GATA6: variants seen among roughly 807,000 people sequenced by gnomAD.
GATA6 encodes transcription factor GATA-6.
GATA6 carries 11 observed loss-of-function variants against 48.1 expected under a neutral mutation model. That is an observed-to-expected ratio of 0.23 (90% CI 0.14 to 0.38). The LOEUF is 0.38. GATA6 is among the 10% of genes least tolerant of loss of function. GATA6 has a pLI of 1.00. For missense variants in GATA6, 795 were observed against 850.3 expected (o/e 0.93, Z 0.81); for synonymous variants, 419 against 396.1 (o/e 1.06, Z -0.69).
At position 22,171,117 on chromosome 18, in the gene GATA6, G is replaced by C. The variant is rs2033032021; in HGVS notation, c.-28G>C. On this transcript the variant is annotated 5_prime_UTR_variant, in exon 2 of 7. Coordinates refer to ENST00000269216, the MANE Select transcript of GATA6 (RefSeq NM_005257.6). The surrounding 1 kb of genome is among the most constrained non-coding windows in gnomAD (Gnocchi z 7.1). ...CCCCACCCCACCTCAGGAGCTAGAC[G>C]TCAGCTTGGAGCGGCGCCGGACCGT... 1 of 1,595,018 alleles carries C rather than the reference G, an allele frequency of 6.3e-7. No homozygotes were observed. The highest frequency in any genetic ancestry group is 8.5e-7 in the Non-Finnish European group (1 of 1,176,290).
Position 22,183,021 on chromosome 18 carries a change from C to G in GATA6, c.1598C>G (p.Thr533Arg). 6.2e-7 allele frequency: 1 copy of G among 1,613,474 alleles called. No homozygotes were observed. Among genetic ancestry groups the G allele is most frequent in the Non-Finnish European group, 8.5e-7 (1 of 1,179,400 alleles). Residue 533 changes from threonine (T) to arginine (R), a missense_variant, in exon 6 of 7, where the codon ACA becomes AGA. By Grantham distance (71) the Thr-to-Arg change is moderately conservative (BLOSUM62 -1). Coordinates refer to ENST00000269216, the MANE Select transcript of GATA6 (RefSeq NM_005257.6). ...SDDCSKNTSP[T>R]TQPTASGAGA... The stretch of plus-strand genomic sequence containing the variant: ...GATTGCAGCAAAAATACTTCCCCCA[C>G]AACACAACCTACAGCCTCAGGGGTA...
intron 3 of GATA6, among the ~76,000 whole-genome samples, chr18:22,178,086 C>T (rs1213674151): frequency 6.6e-6 from 1 of 151,468 alleles, no homozygotes; most frequent in East Asian, 1.9e-4. Flanking sequence ...CTCAGCCTCC[C>T]GAGTAGCTGG....
rs2033022001 is a variant in GATA6, at chr18:22,170,711, T to C, written c.-37-397T>C. On this transcript the variant is annotated intron_variant, in intron 1 of 6. Transcript: ENST00000269216. The surrounding 1 kb of genome is among the most constrained non-coding windows in gnomAD (Gnocchi z 6.7). ...GACACGCACAGCTACTTAAATTCTT[T>C]TGTGTGTCATCAGCCCGGGGGAGAC... Among the ~76,000 whole-genome samples the C allele has an allele frequency of 6.6e-6, 1 of 152,072 alleles. No homozygotes were observed. Among genetic ancestry groups the C allele is most frequent in the South Asian group, 2.1e-4 (1 of 4,826 alleles).
In GATA6 at chr18:22,172,264, C is replaced by G. The variant is rs2033064995; in HGVS notation, c.1120C>G (p.Arg374Gly). The change falls in exon 2 of 7, where the codon CGG becomes GGG. Residue 374 changes from arginine to glycine, a missense_variant. By Grantham distance (125) the Arg-to-Gly change is moderately radical. Around this residue, in one of 5 missense-constraint regions of GATA6, gnomAD observed 591 missense variants for 570.0 expected, o/e 1.04. Coordinates refer to ENST00000269216, the MANE Select transcript of GATA6 (RefSeq NM_005257.6). The surrounding 1 kb of genome is among the most constrained non-coding windows in gnomAD (Gnocchi z 5.2). ...CGCCGGAGCCCCGCTCCCGGTGCCC[C>G]GGGGTCCCAGTGCAGGTAAGGGTCG... ...SRAGAPLPVP[R>G]GPSADLLEDL... 1 of 1,533,250 alleles carries G rather than the reference C, an allele frequency of 6.5e-7. No homozygotes were observed. 95.0% of individuals were successfully genotyped at this position (1,533,250 alleles called of 1,614,324 possible). A position where few individuals can be genotyped will look rare whatever the true frequency, so the allele number is the denominator to read the frequency against.
chr18:22,188,555 A>T (rs922751613), intron 6 of GATA6, among the ~76,000 whole-genome samples: 1 of 152,178 alleles, frequency 6.6e-6, no homozygotes, highest in Admixed American at 6.5e-5. Context: ...TGAGGCTGGT[A>T]GAACGGGTGG....
chr18:22,192,298 CCT>C (rs1175535286), intron 6 of GATA6, among the ~76,000 whole-genome samples: 1 of 151,614 alleles, frequency 6.6e-6, no homozygotes, highest in Non-Finnish European at 1.5e-5. Flanking sequence ...TGCCTGGAGA[CCT>C]CTTTGAAGTT....
intron 6 of GATA6, among the ~76,000 whole-genome samples, chr18:22,186,183 C>T (rs2143311554): frequency 1.3e-5 from 2 of 152,198 alleles, no homozygotes; most frequent in South Asian, 4.2e-4. Flanking sequence ...CTCCAGTGCT[C>T]CCTGTGACTG....
chr18:22,181,398 AATAT>A lies in GATA6; in HGVS notation c.1303-46_1303-43del, dbSNP rs554763771. 4.3e-5 allele frequency: 67 copies of A among 1,547,264 alleles called. 1 individual carries two copies. In the Middle Eastern group the frequency reaches 1.0e-3, roughly 23 times the overall value. On this transcript the variant is annotated intron_variant, in intron 3 of 6. Transcript: ENST00000269216. ...ACAAAATACCTTAATGTATGTATGT[AATAT>A]ATATATATGTCACTTATATTTTTCC...
intron 4 of GATA6, among the ~76,000 whole-genome samples, chr18:22,182,027 C>CAA (rs2143302042): frequency 6.6e-6 from 1 of 152,216 alleles, no homozygotes; most frequent in African/African-American, 2.4e-5. Flanking sequence ...AAGAGTAATG[C>CAA]ATTTAATAGT....
At position 22,183,183 on chromosome 18, in the gene GATA6, G is replaced by A. The variant is rs541771008; in HGVS notation, c.1620+140G>A. The A allele has an allele frequency of 6.9e-6, 5 of 726,060 alleles. No homozygotes were observed. In the East Asian group the frequency reaches 1.4e-4, roughly 20 times the overall value. 45.0% of individuals were successfully genotyped at this position (726,060 alleles called of 1,614,324 possible). A position where few individuals can be genotyped will look rare whatever the true frequency, so the allele number is the denominator to read the frequency against. ...AGTTGATACCTAAGAATAGTTTTTA[G>A]AGGAAATTACATTTAAATGTCAACA... is the stretch of plus-strand genomic sequence containing the variant. On this transcript the variant is annotated intron_variant, in intron 6 of 6. Coordinates refer to ENST00000269216, the MANE Select transcript of GATA6 (RefSeq NM_005257.6).
At chr18:22,183,097 T>C in intron 6 of GATA6, 54 bp downstream of exon 6, 2 of 1,355,814 alleles carry the variant, frequency 1.5e-6, no homozygotes, top group Non-Finnish European at 2.1e-6. Context: ...CTCTAGTAAA[T>C]TATCTCAAAT....
intron 2 of GATA6, among the ~76,000 whole-genome samples, chr18:22,173,670 C>T (rs967227376): frequency 3.3e-5 from 5 of 152,190 alleles, no homozygotes; most frequent in Non-Finnish European, 7.3e-5. Flanking sequence ...TCAAAATTCC[C>T]TCTTTTTAGT....
intron 6 of GATA6, among the ~76,000 whole-genome samples, chr18:22,195,038 C>T (rs1379364296): frequency 6.6e-6 from 1 of 151,098 alleles, no homozygotes; most frequent in African/African-American, 2.4e-5. Context: ...TAGTGGTGGG[C>T]GCCTGTAATC....
At chr18:22,198,928 T>C (rs2033423073) in intron 6 of GATA6, among the ~76,000 whole-genome samples, 1 of 152,240 alleles carries the variant, frequency 6.6e-6, no homozygotes, top group Non-Finnish European at 1.5e-5. Context: ...ATTTGTGTTA[T>C]ATAAACAAAA....
chr18:22,200,926 C>G lies in GATA6; in HGVS notation c.*103C>G, dbSNP rs1355235789. 2.6e-6 allele frequency: 3 copies of G among 1,161,540 alleles called. No homozygotes were observed. The African/African-American group carries it at 4.6e-5, about 18-fold the overall frequency. 72.0% of individuals were successfully genotyped at this position (1,161,540 alleles called of 1,614,324 possible). Reference sequence around the variant, plus strand: ...GACAGTGGCGACTGCGCTGACAGAACGTGATTCTCGTGCCTTTATTTTGAA... The same window carrying G: ...GACAGTGGCGACTGCGCTGACAGAAGGTGATTCTCGTGCCTTTATTTTGAA... On this transcript the variant is annotated 3_prime_UTR_variant, in exon 7 of 7. Coordinates refer to ENST00000269216, the MANE Select transcript of GATA6 (RefSeq NM_005257.6).
At chr18:22,184,050 C>A (rs1423925313) in intron 6 of GATA6, among the ~76,000 whole-genome samples, 2 of 152,182 alleles carry the variant, frequency 1.3e-5, no homozygotes, top group African/African-American at 2.4e-5. Context: ...AAGTCAGAGT[C>A]TCTGGGTGTG....
At position 22,194,545 on chromosome 18, in the gene GATA6, C is replaced by T. The variant is rs143085291; in HGVS notation, c.1621-6111C>T. On this transcript the variant is annotated intron_variant, in intron 6 of 6. Transcript: ENST00000269216. ...AGGTTGGTCTAGGTTAGTGAAGTGC[C>T]TGCTTTTGCAGGGTTGTGATGTCTG... 1.1e-3 allele frequency among the ~76,000 whole-genome samples: 163 copies of T among 152,292 alleles called. 1 individual carries two copies. The East Asian group carries it at 0.028, about 26-fold the overall frequency.
At position 22,171,293 on chromosome 18, in the gene GATA6, G is replaced by C; in HGVS notation, c.149G>C (p.Gly50Ala). The C allele has an allele frequency of 6.9e-6, 11 of 1,593,470 alleles. No homozygotes were observed. The highest frequency in any genetic ancestry group is 9.4e-6 in the Non-Finnish European group (11 of 1,176,076). Residue 50 changes from glycine (G) to alanine (A), a missense_variant, in exon 2 of 7, where the codon GGA (glycine) becomes GCA (alanine). This residue lies in a region of GATA6 where 591 missense variants were observed against 570.0 expected (regional missense o/e 1.04). Coordinates refer to ENST00000269216, the MANE Select transcript of GATA6 (RefSeq NM_005257.6). The surrounding 1 kb of genome is among the most constrained non-coding windows in gnomAD (Gnocchi z 7.1). ...SSSSSSCSRG[G>A]ERGPGGASNC... ...TCGTCCTCCTCCTGCTCCCGGGGCGGAGAGCGGGGCCCCGGCGGCGCCAGC... is the reference window on the plus strand; with the variant it reads ...TCGTCCTCCTCCTGCTCCCGGGGCGCAGAGCGGGGCCCCGGCGGCGCCAGC...
In GATA6 at chr18:22,171,914, C is replaced by A; in HGVS notation, c.770C>A (p.Ala257Glu). Residue 257 changes from alanine (A) to glutamate (E), a missense_variant, in exon 2 of 7, where the codon GCG becomes GAG. Ala to Glu is a moderately radical substitution (Grantham distance 107). Coordinates refer to ENST00000269216, the MANE Select transcript of GATA6 (RefSeq NM_005257.6). This position sits in a 1 kb window ranked among gnomAD's most constrained non-coding sequence, Gnocchi z 7.1. Reference protein sequence around the residue: ...AGPGGAGSAAAHVSARFPYSP... With the variant: ...AGPGGAGSAAEHVSARFPYSP... ...CCTGGCGGCGCTGGCTCAGCCGCGG[C>A]GCACGTCTCGGCGCGCTTCCCCTAC... The A allele has an allele frequency of 1.7e-6, 2 of 1,169,566 alleles. No individual in the cohort carries two copies. Among genetic ancestry groups the A allele is most frequent in the South Asian group, 4.2e-5 (1 of 23,842 alleles). The allele number at this position is 1,169,566 out of a possible 1,614,324, so 72.4% of individuals were successfully genotyped here.
Sources: gnomAD v4.1 joint callset for allele counts (sites outside exome capture counted in the v4.1 genomes callset) on GRCh38, gnomAD v4.1.1 for gene constraint, gnomAD v4.1.1 regional missense constraint, Gnocchi (gnomAD v3.1) non-coding constraint, MANE v1.5 for transcripts, NCBI Gene and HGNC (gene_info 2026-07-23, HGNC 2026-07-21) for gene names.